The following WIPF3 variants were observed in gnomAD, a reference collection of about 807,000 sequenced individuals.
WIPF3 encodes the protein WAS/WASL-interacting protein family member 3.
Under a neutral mutation model 38.9 loss-of-function variants are expected in WIPF3, and 33 were observed. The observed-to-expected ratio is 0.85, with a 90% CI of 0.64 to 1.14. WIPF3 has a LOEUF of 1.14. Among genes scored for constraint, WIPF3 ranks in the 50% most tolerant of loss-of-function variants. WIPF3 has a pLI of 0.00. For synonymous variants in WIPF3, 324 were observed against 269.3 expected, an observed-to-expected ratio of 1.20 and a Z score of -1.99; for missense variants, 711 against 652.5, an observed-to-expected ratio of 1.09 and a Z score of -0.98.
intron 1 of WIPF3, among the ~76,000 whole-genome samples, chr7:29,807,010 G>A (rs1784292233): frequency 1.3e-5 from 2 of 151,848 alleles, no homozygotes; most frequent in African/African-American, 2.4e-5. Context: ...TCCCCGGTGA[G>A]CAGCCCCTGG....
chr7:29,914,377 C>A, intron 8 of WIPF3, 116 bp from the exon 9 acceptor site: 1 of 800,628 alleles, frequency 1.2e-6, no homozygotes, highest in Non-Finnish European at 1.8e-6. Flanking sequence ...AACTTGACAG[C>A]CTTGCATGAA....
intron 1 of WIPF3, among the ~76,000 whole-genome samples, chr7:29,819,816 A>G (rs1441852656): frequency 6.6e-6 from 1 of 152,066 alleles, no homozygotes; most frequent in Non-Finnish European, 1.5e-5. Context: ...ATAGAATTTT[A>G]AAGTTTTCTT....
chr7:29,883,740 C>A, intron 4 of WIPF3, 110 bp from the exon 5 acceptor site: 1 of 1,411,028 alleles, frequency 7.1e-7, no homozygotes, highest in South Asian at 1.6e-5. Context: ...AAAAAGCGGT[C>A]TACAGTGCAG....
At chr7:29,809,298 C>T (rs964300781) in intron 1 of WIPF3, among the ~76,000 whole-genome samples, 4 of 152,168 alleles carry the variant, frequency 2.6e-5, no homozygotes, top group Non-Finnish European at 4.4e-5. Flanking sequence ...GTGTAAAGAA[C>T]GTGGGTTAAG....
At chr7:29,876,895 G>T (rs566458421) in intron 3 of WIPF3, among the ~76,000 whole-genome samples, 1 of 152,236 alleles carries the variant, frequency 6.6e-6, no homozygotes, top group Admixed American at 6.5e-5. Context: ...CCTCTTTGAG[G>T]ATGTTTGGTC....
At chr7:29,818,438 G>A (rs928557381) in intron 1 of WIPF3, among the ~76,000 whole-genome samples, 3 of 151,194 alleles carry the variant, frequency 2.0e-5, no homozygotes, top group African/African-American at 4.9e-5. Context: ...GGGAGACAGA[G>A]CGAGACTCCA....
Position 29,865,431 on chromosome 7 carries a change from CT to C in WIPF3, c.91-10395del, listed in dbSNP as rs373346349. On this transcript the variant is annotated intron_variant, in intron 2 of 8. Coordinates refer to ENST00000242140, the MANE Select transcript of WIPF3 (RefSeq NM_001080529.3). ...TCTTAATAACGAGTGGGTAAATACG[CT>C]TTTGGCAGCCCAACTAGCAGGAAGA... Among the ~76,000 whole-genome samples the C allele has an allele frequency of 2.0e-4, 31 of 152,240 alleles. No homozygotes were observed. In the South Asian group the frequency reaches 6.4e-3, roughly 32 times the overall value.
chr7:29,871,474 G>A (rs527451947), intron 2 of WIPF3, among the ~76,000 whole-genome samples: 4 of 152,346 alleles, frequency 2.6e-5, no homozygotes, highest in Non-Finnish European at 2.9e-5. Flanking sequence ...GTATTAAAAC[G>A]ATAGGGTTTG....
At chr7:29,835,023 C>T (rs1172027050) in intron 2 of WIPF3, among the ~76,000 whole-genome samples, 1 of 152,026 alleles carries the variant, frequency 6.6e-6, no homozygotes, top group African/African-American at 2.4e-5. Context: ...CAGCTTCCAC[C>T]TCCACCTCAT....
At chr7:29,911,187 A>T (rs1786498917) in intron 8 of WIPF3, among the ~76,000 whole-genome samples, 1 of 152,198 alleles carries the variant, frequency 6.6e-6, no homozygotes, top group Non-Finnish European at 1.5e-5. Context: ...AGAATGAAAT[A>T]CTTAGCAGTT....
At chr7:29,818,028 T>C (rs1263699389) in intron 1 of WIPF3, among the ~76,000 whole-genome samples, 1 of 152,234 alleles carries the variant, frequency 6.6e-6, no homozygotes, top group African/African-American at 2.4e-5. Flanking sequence ...GGTATACTTT[T>C]TTAAAGTTGC....
intron 1 of WIPF3, among the ~76,000 whole-genome samples, chr7:29,821,702 C>T (rs960763550): frequency 6.6e-6 from 1 of 152,200 alleles, no homozygotes; most frequent in Admixed American, 6.5e-5. Context: ...ATGTCTTTTA[C>T]TCAGGAAAAC....
chr7:29,884,358 GCCT>G lies in WIPF3; in HGVS notation c.867_869del (p.Pro290del). On this transcript the variant is annotated inframe_deletion, in exon 5 of 9. Transcript: ENST00000242140. ...CCAGCCCTGCGCAAGATGCGCAGGA[GCCT>G]CCCGCCCCGCCGCCCCCGCTCCCCC... 6.7e-7 allele frequency: 1 copy of G among 1,501,620 alleles called. No individual in the cohort carries two copies. Among genetic ancestry groups the G allele is most frequent in the Non-Finnish European group, 8.9e-7 (1 of 1,122,610 alleles). 93.0% of individuals were successfully genotyped at this position (1,501,620 alleles called of 1,614,324 possible).
In WIPF3 at chr7:29,884,378, C is replaced by G. The variant is rs998609480; in HGVS notation, c.884C>G (p.Pro295Arg). Residue 295 changes from proline (P) to arginine (R), a missense_variant, in exon 5 of 9, where the codon CCG (proline) becomes CGG (arginine). Physicochemically the swap from Pro to Arg is moderately radical, Grantham distance 103 (BLOSUM62 -2). Coordinates refer to ENST00000242140, the MANE Select transcript of WIPF3 (RefSeq NM_001080529.3). The stretch of plus-strand genomic sequence containing the variant: ...CAGGAGCCTCCCGCCCCGCCGCCCC[C>G]GCTCCCCCCTTATGCTTCTTGCTCC... Reference protein sequence around the residue: ...DAQEPPAPPPPLPPYASCSPR... With the variant: ...DAQEPPAPPPRLPPYASCSPR... 5.5e-6 allele frequency: 8 copies of G among 1,459,702 alleles called. No homozygotes were observed. The African/African-American group carries it at 8.9e-5, about 16-fold the overall frequency. The allele number at this position is 1,459,702 out of a possible 1,614,324, so 90.4% of individuals were successfully genotyped here.
chr7:29,894,893 T>C (rs1786101875), intron 7 of WIPF3, among the ~76,000 whole-genome samples: 1 of 151,516 alleles, frequency 6.6e-6, no homozygotes. Flanking sequence ...TGGCTTTGTT[T>C]AGTTTTGTGT....
intron 2 of WIPF3, among the ~76,000 whole-genome samples, chr7:29,871,933 A>G (rs1171401917): frequency 6.6e-6 from 1 of 152,194 alleles, no homozygotes; most frequent in East Asian, 1.9e-4. Flanking sequence ...TCTTTTTTGA[A>G]GCTTGCTGTA....
intron 8 of WIPF3, among the ~76,000 whole-genome samples, chr7:29,912,783 C>T (rs1786528169): frequency 6.6e-6 from 1 of 152,222 alleles, no homozygotes; most frequent in Non-Finnish European, 1.5e-5. Context: ...CATGGATGAA[C>T]TTTGAGAACA....
At position 29,871,267 on chromosome 7, in the gene WIPF3, C is replaced by T. The variant is rs553290138; in HGVS notation, c.91-4563C>T. Among the ~76,000 whole-genome samples the T allele has an allele frequency of 1.7e-3, 261 of 152,258 alleles. 1 individual carries two copies. The highest frequency in any genetic ancestry group is 8.1e-3 in the East Asian group (42 of 5,184). ...AGGGAGACATTGCCATTCTGGCTGTCCTTGGGATTCAGACTTGGTAATGAA... is the reference window on the plus strand; with the variant it reads ...AGGGAGACATTGCCATTCTGGCTGTTCTTGGGATTCAGACTTGGTAATGAA... On this transcript the variant is annotated intron_variant, in intron 2 of 8. Transcript: ENST00000242140.
chr7:29,897,854 T>C (rs1786185064), intron 7 of WIPF3, among the ~76,000 whole-genome samples: 2 of 152,312 alleles, frequency 1.3e-5, no homozygotes, highest in South Asian at 4.1e-4. Flanking sequence ...CTTCAAAAGC[T>C]GTCTTCCAGC....
Sources: allele counts gnomAD v4.1 joint callset (sites outside exome capture counted in the v4.1 genomes callset), GRCh38; gene constraint gnomAD v4.1.1; transcripts MANE v1.5; gene names NCBI Gene and HGNC (gene_info 2026-07-23, HGNC 2026-07-21).